MAP3K7: variants seen among roughly 807,000 people sequenced by gnomAD.
MAP3K7 encodes the protein TGF-beta activated kinase 1.
Under a neutral mutation model 84.8 loss-of-function variants are expected in MAP3K7, and 21 were observed. The ratio of observed to expected loss-of-function variants is 0.25; its 90% CI spans 0.18 to 0.36. The LOEUF (loss-of-function observed/expected upper bound fraction) is 0.36, where lower values mean the gene tolerates loss of function less well. MAP3K7 is among the 10% of genes least tolerant of loss of function. The pLI is 1.00. For synonymous variants in MAP3K7, 241 were observed against 247.7 expected, an observed-to-expected ratio of 0.97 and a Z score of 0.25; for missense variants, 503 against 747.7, an observed-to-expected ratio of 0.67 and a Z score of 3.82.
At chr6:90,547,197 C>A in intron 11 of MAP3K7, 61 bp downstream of exon 11, 1 of 1,576,272 alleles carries the variant, frequency 6.3e-7, no homozygotes, top group Non-Finnish European at 8.6e-7. Flanking sequence ...ACAACTGAAA[C>A]TACCATGGCC....
Position 90,519,061 on chromosome 6 carries a change from GAA to G in MAP3K7, c.1524+195_1524+196del, listed in dbSNP as rs1341308815. ...GATTTTAAGATGACTGAAAAGATAAGAATATGATTCTGCCAATTTAAAGTTTG... is the reference window on the plus strand; with the variant it reads ...GATTTTAAGATGACTGAAAAGATAAGTATGATTCTGCCAATTTAAAGTTTG... On this transcript the variant is annotated intron_variant, in intron 15 of 16. Coordinates refer to ENST00000369329, the MANE Select transcript of MAP3K7 (RefSeq NM_145331.3). Among the ~76,000 whole-genome samples, 4 of 151,986 alleles carry G rather than the reference GAA, an allele frequency of 2.6e-5. No homozygotes were observed. The East Asian group carries it at 7.7e-4, about 29-fold the overall frequency.
chr6:90,521,951 T>C (rs1213990248), intron 14 of MAP3K7, among the ~76,000 whole-genome samples: 1 of 152,186 alleles, frequency 6.6e-6, no homozygotes, highest in Non-Finnish European at 1.5e-5. Flanking sequence ...CTCTTAATTT[T>C]TTCCTTGGTC....
At chr6:90,579,886 G>A (rs540737981) in intron 1 of MAP3K7, among the ~76,000 whole-genome samples, 2 of 152,114 alleles carry the variant, frequency 1.3e-5, no homozygotes, top group African/African-American at 2.4e-5. Flanking sequence ...AAAAATTGTG[G>A]ACACCACCGC....
chr6:90,524,594 C>A (rs1286138026), intron 13 of MAP3K7, among the ~76,000 whole-genome samples: 1 of 152,124 alleles, frequency 6.6e-6, no homozygotes, highest in African/African-American at 2.4e-5. Context: ...AAATAACATT[C>A]TTAGATGGGC....
chr6:90,583,766 T>C (rs1185657441), intron 1 of MAP3K7, among the ~76,000 whole-genome samples: 2 of 152,168 alleles, frequency 1.3e-5, no homozygotes, highest in Non-Finnish European at 2.9e-5. Flanking sequence ...TCCAGAACAC[T>C]TTCCACTATA....
intron 13 of MAP3K7, among the ~76,000 whole-genome samples, chr6:90,527,692 G>C (rs975614883): frequency 6.6e-6 from 1 of 152,160 alleles, no homozygotes; most frequent in Non-Finnish European, 1.5e-5. Context: ...AACACACAGG[G>C]ACCAACCCCC....
At position 90,553,507 on chromosome 6, in the gene MAP3K7, A is replaced by G. The variant is rs771533742; in HGVS notation, c.687T>C (p.Phe229=). 1 of 1,614,144 alleles carries G rather than the reference A, an allele frequency of 6.2e-7. No individual in the cohort carries two copies. Among genetic ancestry groups the G allele is most frequent in the South Asian group, 1.1e-5 (1 of 91,080 alleles). The change falls in exon 7 of 17, where the codon TTT becomes TTC. Residue 229 remains phenylalanine, a synonymous_variant. Coordinates refer to ENST00000369329, the MANE Select transcript of MAP3K7 (RefSeq NM_145331.3). ...GGAAAGCTGGGCCACCAATCTCATC[A>G]AAGGGTTTCCGACGCGTTATCACTT... The part of the protein sequence containing the change: ...LWEVITRRKP[F]DEIGGPAFRI...
At chr6:90,568,904 G>A (rs950980491) in intron 2 of MAP3K7, among the ~76,000 whole-genome samples, 2 of 152,116 alleles carry the variant, frequency 1.3e-5, no homozygotes, top group African/African-American at 4.8e-5. Flanking sequence ...CAGGAGTTAT[G>A]AACAAGGCAC....
intron 1 of MAP3K7, among the ~76,000 whole-genome samples, chr6:90,573,095 T>C (rs963109705): frequency 3.3e-5 from 5 of 152,190 alleles, no homozygotes; most frequent in African/African-American, 9.6e-5. Context: ...AAGGTACTAA[T>C]GCTGTCCTCA....
chr6:90,539,063 A>G (rs1775769641), intron 12 of MAP3K7, among the ~76,000 whole-genome samples: 2 of 151,962 alleles, frequency 1.3e-5, no homozygotes, highest in East Asian at 3.9e-4. Flanking sequence ...AAAAAAATGC[A>G]TAGCATGATA....
intron 3 of MAP3K7, among the ~76,000 whole-genome samples, chr6:90,564,594 G>A (rs1244272753): frequency 2.0e-5 from 3 of 152,136 alleles, no homozygotes; most frequent in African/African-American, 7.2e-5. Flanking sequence ...CCTACAAAGA[G>A]ACTTAGACTC....
intron 9 of MAP3K7, among the ~76,000 whole-genome samples, chr6:90,548,842 G>A (rs1776088997): frequency 6.6e-6 from 1 of 151,334 alleles, no homozygotes; most frequent in Non-Finnish European, 1.5e-5. Flanking sequence ...GTAAGAAGGA[G>A]AAAGTAATGA....
Position 90,565,248 on chromosome 6 carries a change from C to CA in MAP3K7, c.297+3309dup, listed in dbSNP as rs200067328. 1.5e-3 allele frequency among the ~76,000 whole-genome samples: 225 copies of CA among 147,430 alleles called. 1 individual carries two copies. Among genetic ancestry groups the CA allele is most frequent in the African/African-American group, 4.1e-3 (164 of 40,230 alleles). On this transcript the variant is annotated intron_variant, in intron 3 of 16. Transcript: ENST00000369329. ...GGAGACAGAGACACAACAAACCCTT[C>CA]AAAAAAAAAATCAATGAATCCAGGA...
At chr6:90,520,717 T>C (rs1775122309) in intron 14 of MAP3K7, among the ~76,000 whole-genome samples, 1 of 152,072 alleles carries the variant, frequency 6.6e-6, no homozygotes. Context: ...CTAACATAAA[T>C]GTGTGTTTTT....
rs373286130 is a variant in MAP3K7 at position 90,574,377 on chromosome 6, G to A, written c.121-2570C>T. 3.9e-5 allele frequency among the ~76,000 whole-genome samples: 6 copies of A among 152,138 alleles called. No individual in the cohort carries two copies. In the East Asian group the frequency reaches 9.7e-4, roughly 25 times the overall value. ...CCCTGCCTCAGCCTCCCAAAGTGCT[G>A]GGATTACAGGTGTGAGCCACTGCAC... On this transcript the variant is annotated intron_variant, in intron 1 of 16. Coordinates refer to ENST00000369329, the MANE Select transcript of MAP3K7 (RefSeq NM_145331.3).
At chr6:90,536,296 C>G in intron 13 of MAP3K7, 41 bp downstream of exon 13, 5 of 1,484,298 alleles carry the variant, frequency 3.4e-6, no homozygotes, top group Non-Finnish European at 4.7e-6. Flanking sequence ...TGTTTTCTGC[C>G]TAGTATTCTT....
chr6:90,581,043 A>G (rs1269043928), intron 1 of MAP3K7, among the ~76,000 whole-genome samples: 1 of 152,178 alleles, frequency 6.6e-6, no homozygotes, highest in Non-Finnish European at 1.5e-5. Flanking sequence ...TTTCCATGCA[A>G]CTACTATTGA....
At chr6:90,521,462 T>C (rs1371740125) in intron 14 of MAP3K7, among the ~76,000 whole-genome samples, 1 of 152,140 alleles carries the variant, frequency 6.6e-6, no homozygotes, top group Non-Finnish European at 1.5e-5. Context: ...TTCTGCTTTA[T>C]GGCTAAAGAA....
At position 90,577,691 on chromosome 6, in the gene MAP3K7, C is replaced by T. The variant is rs536283148; in HGVS notation, c.121-5884G>A. Among the ~76,000 whole-genome samples, 13 of 152,314 alleles carry T rather than the reference C, an allele frequency of 8.5e-5. No individual in the cohort carries two copies. In the South Asian group the frequency reaches 2.7e-3, roughly 32 times the overall value. Reference sequence around the variant, plus strand: ...ATATAAGGACAGTGAAAGCATATGCCAGTGGCTCTAAAAGTGTGGTCTCCG... The same window carrying T: ...ATATAAGGACAGTGAAAGCATATGCTAGTGGCTCTAAAAGTGTGGTCTCCG... On this transcript the variant is annotated intron_variant, in intron 1 of 16. Transcript: ENST00000369329.
Sources: gnomAD v4.1 joint callset for allele counts (sites outside exome capture counted in the v4.1 genomes callset) on GRCh38, gnomAD v4.1.1 for gene constraint, MANE v1.5 for transcripts, NCBI Gene and HGNC (gene_info 2026-07-23, HGNC 2026-07-21) for gene names.